The following LUZP2 variants were observed in gnomAD, a reference collection of about 807,000 sequenced individuals.
The protein encoded by LUZP2 is leucine zipper protein 2.
LUZP2 carries 52 observed loss-of-function variants against 51.6 expected under a neutral mutation model. The ratio of observed to expected loss-of-function variants is 1.01; its 90% confidence interval spans 0.81 to 1.27. The LOEUF (loss-of-function observed/expected upper bound fraction) is 1.27, where lower values mean the gene tolerates loss of function less well. Among genes scored for constraint, LUZP2 ranks in the 50% most tolerant of loss-of-function variants. The pLI is 0.00. For synonymous variants in LUZP2, 154 were observed against 137.3 expected, an observed-to-expected ratio of 1.12 and a Z score of -0.85; for missense variants, 436 against 395.4, an observed-to-expected ratio of 1.10 and a Z score of -0.87.
At chr11:24,947,368 G>A (rs1245799211) in intron 7 of LUZP2, among the ~76,000 whole-genome samples, 1 of 151,856 alleles carries the variant, frequency 6.6e-6, no homozygotes, top group Non-Finnish European at 1.5e-5. Flanking sequence ...GGCAGATATG[G>A]AAGAGGAGGA....
chr11:24,939,290 A>G (rs932380224), intron 7 of LUZP2, among the ~76,000 whole-genome samples: 1 of 152,150 alleles, frequency 6.6e-6, no homozygotes, highest in African/African-American at 2.4e-5. Context: ...TAGGTGCAGG[A>G]AAAACAAACT....
rs148082890 is a variant in LUZP2, at chr11:24,663,636, G to A, written c.63-65533G>A. On this transcript the variant is annotated intron_variant, in intron 1 of 11. Transcript: ENST00000336930. The stretch of plus-strand genomic sequence containing the variant: ...TATCTAATTCTCATTTCTCTGAGTA[G>A]CTATGTAGTGAATATGATTTAGCCG... 2.4e-4 allele frequency among the ~76,000 whole-genome samples: 36 copies of A among 152,118 alleles called. No individual in the cohort carries two copies. In the East Asian group the frequency reaches 6.6e-3, roughly 28 times the overall value.
In LUZP2 at chr11:24,784,158, T is replaced by C. The variant is rs1046977460; in HGVS notation, c.396+20850T>C. Among the ~76,000 whole-genome samples, 6 of 152,090 alleles carry C rather than the reference T, an allele frequency of 3.9e-5. No individual in the cohort carries two copies. In the South Asian group the frequency reaches 1.2e-3, roughly 32 times the overall value. On this transcript the variant is annotated intron_variant, in intron 5 of 11. Coordinates refer to ENST00000336930, the MANE Select transcript of LUZP2 (RefSeq NM_001009909.4). ...ATGTAAACAGATACAGAACTTCCTTTTTTCAGTAATGTCAGAGGCAAACAT... is the reference window on the plus strand; with the variant it reads ...ATGTAAACAGATACAGAACTTCCTTCTTTCAGTAATGTCAGAGGCAAACAT...
At chr11:24,901,408 A>G (rs1015907704) in intron 5 of LUZP2, among the ~76,000 whole-genome samples, 1 of 152,138 alleles carries the variant, frequency 6.6e-6, no homozygotes, top group African/African-American at 2.4e-5. Flanking sequence ...ATTAAAAAAA[A>G]AAAAAGGTAA....
intron 1 of LUZP2, among the ~76,000 whole-genome samples, chr11:24,548,702 A>C (rs1279820780): frequency 2.0e-5 from 3 of 152,060 alleles, no homozygotes; most frequent in Non-Finnish European, 4.4e-5. Context: ...CTGAACCAAA[A>C]ATAAAAGTTG....
chr11:24,639,245 T>C (rs1252358224), intron 1 of LUZP2, among the ~76,000 whole-genome samples: 2 of 151,906 alleles, frequency 1.3e-5, no homozygotes, highest in East Asian at 1.9e-4. Context: ...CACATTTCTT[T>C]CCTGTTTTTA....
At chr11:24,527,565 TCTCACACA>T (rs1331340842) in intron 1 of LUZP2, among the ~76,000 whole-genome samples, 17 of 124,694 alleles carry the variant, frequency 1.4e-4, no homozygotes, top group Admixed American at 3.2e-4. Context: ...TCTCTCTCTC[TCTCACACA>T]CACACACACA....
At position 24,558,384 on chromosome 11, in the gene LUZP2, T is replaced by C. The variant is rs545576594; in HGVS notation, c.62+61079T>C. ...TCTCCTAATAAATCTTTTTTGTTTT[T>C]TTTTCATATATCTCTATATATAGCC... On this transcript the variant is annotated intron_variant, in intron 1 of 11. Coordinates refer to ENST00000336930, the MANE Select transcript of LUZP2 (RefSeq NM_001009909.4). Among the ~76,000 whole-genome samples the C allele has an allele frequency of 7.1e-3, 1,078 of 152,238 alleles. 14 individuals carry two copies. The highest frequency in any genetic ancestry group is 0.025 in the African/African-American group (1,035 of 41,536).
intron 10 of LUZP2, among the ~76,000 whole-genome samples, chr11:25,054,898 C>T (rs775234321): frequency 5.3e-5 from 8 of 150,310 alleles, no homozygotes; most frequent in Admixed American, 2.7e-4. Context: ...ATTCTGAGTC[C>T]CTTACATTTC....
intron 4 of LUZP2, among the ~76,000 whole-genome samples, chr11:24,753,631 G>A (rs554216752): frequency 6.6e-6 from 1 of 152,264 alleles, no homozygotes; most frequent in South Asian, 2.1e-4. Flanking sequence ...TGACCAAACT[G>A]CTTCACATGA....
At chr11:24,800,659 T>C (rs2134115075) in intron 5 of LUZP2, among the ~76,000 whole-genome samples, 1 of 152,208 alleles carries the variant, frequency 6.6e-6, no homozygotes, top group Middle Eastern at 3.4e-3. Context: ...ATTTGTTGTG[T>C]CTAATGGGAG....
intron 7 of LUZP2, among the ~76,000 whole-genome samples, chr11:24,919,695 A>G (rs1326234596): frequency 2.0e-5 from 3 of 149,698 alleles, no homozygotes; most frequent in East Asian, 2.0e-4. Flanking sequence ...AATTTACATT[A>G]TGATGAAAAA....
chr11:24,979,983 A>G (rs1855980972), intron 8 of LUZP2, among the ~76,000 whole-genome samples: 1 of 151,834 alleles, frequency 6.6e-6, no homozygotes, highest in Admixed American at 6.6e-5. Context: ...ATGAATAAAC[A>G]TTCTAGTCAT....
At chr11:24,815,564 G>A (rs1994372) in intron 5 of LUZP2, among the ~76,000 whole-genome samples, 148,829 of 152,258 alleles carry the variant, frequency 0.98, 72,845 homozygotes, top group East Asian at 1. Context: ...AGTTGAAAGT[G>A]GACTGATTCT....
intron 1 of LUZP2, among the ~76,000 whole-genome samples, chr11:24,675,229 T>A (rs950293534): frequency 2.6e-5 from 4 of 152,168 alleles, no homozygotes; most frequent in Admixed American, 2.6e-4. Context: ...AGGGGAAAAT[T>A]AGATCCCATT....
chr11:24,883,418 A>T (rs1290710131), intron 5 of LUZP2, among the ~76,000 whole-genome samples: 1 of 147,638 alleles, frequency 6.8e-6, no homozygotes, highest in African/African-American at 2.7e-5. Context: ...AAAGCAAATG[A>T]TGAGCATATT....
chr11:24,659,386 A>C (rs371591588), intron 1 of LUZP2, among the ~76,000 whole-genome samples: 1 of 152,144 alleles, frequency 6.6e-6, no homozygotes, highest in East Asian at 1.9e-4. Flanking sequence ...ACACATGGAC[A>C]CAGAAAGGGA....
chr11:25,071,532 A>C (rs1859158229), intron 10 of LUZP2, among the ~76,000 whole-genome samples: 1 of 152,074 alleles, frequency 6.6e-6, no homozygotes, highest in African/African-American at 2.4e-5. Context: ...AAGCACCTAC[A>C]TTTGAAAAGT....
chr11:25,054,673 G>T (rs1387390240), intron 10 of LUZP2, among the ~76,000 whole-genome samples: 2 of 151,450 alleles, frequency 1.3e-5, no homozygotes, highest in Non-Finnish European at 2.9e-5. Flanking sequence ...TTTTTTAATT[G>T]ATTTATCCTT....
Sources: gnomAD v4.1 joint callset for allele counts (sites outside exome capture counted in the v4.1 genomes callset) on GRCh38, gnomAD v4.1.1 for gene constraint, MANE v1.5 for transcripts, NCBI Gene and HGNC (gene_info 2026-07-23, HGNC 2026-07-21) for gene names.